The following YTHDF2 variants were observed in gnomAD, a reference collection of about 807,000 sequenced individuals.
The protein encoded by YTHDF2 is YTH domain-containing family protein 2.
A neutral mutation model predicts 50.4 loss-of-function variants in YTHDF2; 2 were observed. That is an observed-to-expected ratio of 0.04 (90% CI 0.02 to 0.12). YTHDF2 has a LOEUF of 0.12. Among genes scored for constraint, YTHDF2 ranks in the 10% least tolerant of loss-of-function variants. The probability of loss-of-function intolerance (pLI) is 1.00; values close to 1 mark genes in which losing one functional copy is unlikely to be tolerated. For missense variants in YTHDF2, 483 were observed against 722.6 expected (o/e 0.67, Z 3.80); for synonymous variants, 217 against 255.6 (o/e 0.85, Z 1.44).
intron 3 of YTHDF2, chr1:28,738,966 T>G (rs956393590): frequency 3.3e-5 from 5 of 152,260 alleles, no homozygotes; most frequent in Admixed American, 1.3e-4. Context: ...AATAATTGTC[T>G]TCTTCCTTAC....
At chr1:28,763,756 A>AT (rs34426132) in intron 4 of YTHDF2, among the ~76,000 whole-genome samples, 86,208 of 144,624 alleles carry the variant, frequency 0.6, 26,142 homozygotes, top group African/African-American at 0.71. Flanking sequence ...TGCCCAGCCA[A>AT]TTTTTTTTTT....
chr1:28,767,394 C>A (rs1427163378), intron 4 of YTHDF2, among the ~76,000 whole-genome samples: 1 of 151,960 alleles, frequency 6.6e-6, no homozygotes, highest in Non-Finnish European at 1.5e-5. Context: ...CATCTATAGT[C>A]TAAGTTTCTA....
At chr1:28,757,877 G>A (rs953805131) in intron 4 of YTHDF2, among the ~76,000 whole-genome samples, 2 of 151,712 alleles carry the variant, frequency 1.3e-5, no homozygotes, top group African/African-American at 4.8e-5. Context: ...AGTGCTTTAG[G>A]TATAATATTT....
At chr1:28,754,132 C>A (rs2088000947) in intron 4 of YTHDF2, among the ~76,000 whole-genome samples, 1 of 152,220 alleles carries the variant, frequency 6.6e-6, no homozygotes. Context: ...AAGCACCATG[C>A]TAGGTACTTT....
intron 4 of YTHDF2, among the ~76,000 whole-genome samples, chr1:28,747,097 G>C (rs2087875595): frequency 6.6e-6 from 1 of 152,058 alleles, no homozygotes; most frequent in Non-Finnish European, 1.5e-5. Context: ...AAAAAATTCA[G>C]CTTTTAATCA....
chr1:28,758,806 G>A (rs2088071454), intron 4 of YTHDF2, among the ~76,000 whole-genome samples: 1 of 152,272 alleles, frequency 6.6e-6, no homozygotes, highest in Admixed American at 6.5e-5. Flanking sequence ...AGTTGAGGTC[G>A]GTGGGCCTGC....
intron 4 of YTHDF2, among the ~76,000 whole-genome samples, chr1:28,745,736 C>CCCA (rs1491144713): frequency 1.5e-4 from 16 of 108,398 alleles, no homozygotes; most frequent in African/African-American, 2.0e-4. Context: ...CCCCCCCCCC[C>CCCA]AAAAAAAAAC....
intron 1 of YTHDF2, chr1:28,737,377 T>G: frequency 1.6e-6 from 1 of 630,302 alleles, no homozygotes; most frequent in South Asian, 2.2e-5. Flanking sequence ...CGTTCCCTTC[T>G]CTCGGCGGGC....
rs1437310747 is a variant in YTHDF2 at position 28,769,360 on chromosome 1, G to T, written c.*408G>T. ...TTTGCACTTGGAGAACACTTGAGTT[G>T]TGAAGGTTTTGGGCATCCACCCCAG... On this transcript the variant is annotated 3_prime_UTR_variant, in exon 5 of 5. Transcript: ENST00000373812. 7 of 154,164 alleles carry T rather than the reference G, an allele frequency of 4.5e-5. No individual in the cohort carries two copies. The East Asian group carries it at 1.3e-3, about 29-fold the overall frequency. 9.5% of individuals were successfully genotyped at this position (154,164 alleles called of 1,614,324 possible).
intron 4 of YTHDF2, among the ~76,000 whole-genome samples, chr1:28,763,334 C>T (rs1387991151): frequency 1.3e-5 from 2 of 151,834 alleles, no homozygotes; most frequent in East Asian, 1.9e-4. Context: ...AGTGAAGTGG[C>T]GTGACCTTGG....
chr1:28,767,990 C>T (rs1223036963), intron 4 of YTHDF2, among the ~76,000 whole-genome samples: 1 of 150,836 alleles, frequency 6.6e-6, no homozygotes, highest in African/African-American at 2.4e-5. Context: ...ATCACAAGGT[C>T]AGGAGTTCGA....
Position 28,743,148 on chromosome 1 carries a change from T to G in YTHDF2, c.878T>G (p.Val293Gly). 2.5e-6 allele frequency: 4 copies of G among 1,613,988 alleles called. No homozygotes were observed. The highest frequency in any genetic ancestry group is 3.4e-6 in the Non-Finnish European group (4 of 1,180,004). ...PVAKAPSQAL[V>G]QNIGQPTQGS... Reference sequence around the variant, plus strand: ...GCAAAAGCCCCCTCACAGGCTTTGGTTCAGAATATAGGTCAGCCAACCCAG... The same window carrying G: ...GCAAAAGCCCCCTCACAGGCTTTGGGTCAGAATATAGGTCAGCCAACCCAG... The change falls in exon 4 of 5, where the codon GTT becomes GGT. Residue 293 changes from valine to glycine, a missense_variant. Val to Gly is a moderately radical substitution (Grantham distance 109). Transcript: ENST00000373812. The surrounding 1 kb of genome is among the most constrained non-coding windows in gnomAD (Gnocchi z 6.9).
chr1:28,746,837 T>A (rs571530212), intron 4 of YTHDF2, among the ~76,000 whole-genome samples: 31 of 152,102 alleles, frequency 2.0e-4, no homozygotes, highest in Non-Finnish European at 3.8e-4. Flanking sequence ...ATCCCAGCAC[T>A]TTGGGAGGCC....
intron 4 of YTHDF2, among the ~76,000 whole-genome samples, chr1:28,753,012 C>T (rs2087980310): frequency 6.6e-6 from 1 of 150,956 alleles, no homozygotes. Flanking sequence ...GCCACTGCAC[C>T]CCAGCCTGGG....
intron 3 of YTHDF2, among the ~76,000 whole-genome samples, chr1:28,741,449 C>T (rs916682145): frequency 1.3e-5 from 2 of 152,160 alleles, no homozygotes; most frequent in Admixed American, 6.5e-5. Flanking sequence ...AAGTGTGTGC[C>T]ACCATGCCTA....
At chr1:28,742,292 G>A in intron 3 of YTHDF2, 111 bp from the exon 4 acceptor site, 1 of 1,398,560 alleles carries the variant, frequency 7.2e-7, no homozygotes, top group African/African-American at 1.4e-5. Context: ...ACCGCGTCCG[G>A]CCTGCACACT....
chr1:28,748,700 A>G (rs1221521808), intron 4 of YTHDF2, among the ~76,000 whole-genome samples: 1 of 152,226 alleles, frequency 6.6e-6, no homozygotes, highest in Non-Finnish European at 1.5e-5. Flanking sequence ...TTAAAAAGCA[A>G]TATACTGTGC....
intron 4 of YTHDF2, among the ~76,000 whole-genome samples, chr1:28,749,143 TAGAAGAAGGCAACAGTTAAG>T (rs1395086750): frequency 6.6e-6 from 1 of 151,524 alleles, no homozygotes; most frequent in Admixed American, 6.6e-5. Context: ...AACTGTTATC[TAGAAGAAGGCAACAGTTAAG>T]AGCCTTTCTT....
chr1:28,739,396 C>T (rs922876921), intron 3 of YTHDF2, among the ~76,000 whole-genome samples: 3 of 150,694 alleles, frequency 2.0e-5, no homozygotes, highest in Non-Finnish European at 4.4e-5. Context: ...CTCACTGCAA[C>T]CTCTGCCTAC....
Sources: gnomAD v4.1 joint callset for allele counts (sites outside exome capture counted in the v4.1 genomes callset) on GRCh38, gnomAD v4.1.1 for gene constraint, Gnocchi (gnomAD v3.1) non-coding constraint, MANE v1.5 for transcripts, NCBI Gene and HGNC (gene_info 2026-07-23, HGNC 2026-07-21) for gene names.